The following DNAI4 variants were observed in gnomAD, a reference collection of about 807,000 sequenced individuals.
DNAI4 encodes the protein dynein axonemal intermediate chain 4.
In DNAI4, 85 loss-of-function variants were observed where a neutral mutation model predicts 105.8. The ratio of observed to expected loss-of-function variants is 0.80; its 90% CI spans 0.67 to 0.96. The LOEUF (loss-of-function observed/expected upper bound fraction) is 0.96. DNAI4 is among the 40% of genes least tolerant of loss of function. The pLI is 0.00. For synonymous variants in DNAI4, 352 were observed against 331.5 expected (o/e 1.06, Z -0.67); for missense variants, 1,014 against 1,005.6 (o/e 1.01, Z -0.11).
intron 1 of DNAI4, among the ~76,000 whole-genome samples, chr1:66,908,710 A>C (rs76845394): frequency 6.6e-5 from 10 of 152,252 alleles, no homozygotes; most frequent in Admixed American, 1.3e-4. Context: ...ATACCCAACT[A>C]TGATGACAGG....
chr1:66,838,628 A>G lies in DNAI4; in HGVS notation c.1495-832T>C, dbSNP rs72924137. Among the ~76,000 whole-genome samples, 646 of 152,340 alleles carry G rather than the reference A, an allele frequency of 4.2e-3. 9 individuals are homozygous for G. The highest frequency in any genetic ancestry group is 0.015 in the African/African-American group (610 of 41,584). ...AATCCAGCCTCTGCTGTGTAACCAG[A>G]ATACCTTTAATTTTAGAATATTATA... On this transcript the variant is annotated intron_variant, in intron 9 of 16. Transcript: ENST00000371026.
chr1:66,834,190 T>A, intron 11 of DNAI4, 42 bp from the exon 12 acceptor site: 2 of 1,492,132 alleles, frequency 1.3e-6, no homozygotes, highest in Non-Finnish European at 1.8e-6. Context: ...ATCATTATAA[T>A]AATTTCTTAA....
In DNAI4 at chr1:66,847,566, G is replaced by A. The variant is rs57010209; in HGVS notation, c.1209C>T (p.Asp403=). The change falls in exon 8 of 17, where the codon GAC becomes GAT. Residue 403 remains aspartate (D), a synonymous_variant. Coordinates refer to ENST00000371026, the MANE Select transcript of DNAI4 (RefSeq NM_024763.5). ...TCAGAACCCGTTCCATAAAAAATAAGTCCTGATGAAATTTGTCAGATTTTA... is the reference window on the plus strand; with the variant it reads ...TCAGAACCCGTTCCATAAAAAATAAATCCTGATGAAATTTGTCAGATTTTA... The part of the protein sequence containing the change: ...AILKSDKFHQ[D]LFFMERVLME... The A allele has an allele frequency of 0.07, 112,891 of 1,613,714 alleles. 12,572 individuals are homozygous for A. The highest frequency in any genetic ancestry group is 0.52 in the East Asian group (23,370 of 44,814).
At chr1:66,830,535 G>C (rs1021477620) in intron 13 of DNAI4, among the ~76,000 whole-genome samples, 2 of 152,028 alleles carry the variant, frequency 1.3e-5, no homozygotes, top group Admixed American at 1.3e-4. Context: ...CCAGCATTTT[G>C]GGAGGCCAAG....
intron 4 of DNAI4, 108 bp downstream of exon 4, chr1:66,891,046 A>G (rs747471818): frequency 1.8e-5 from 16 of 911,548 alleles, no homozygotes; most frequent in South Asian, 2.7e-5. Context: ...ACAAGCCAGC[A>G]TTTGGAAATC....
At chr1:66,893,083 A>AAGAAAGAAAG (rs1557965530) in intron 3 of DNAI4, 146 bp downstream of exon 3, 1 of 392,104 alleles carries the variant, frequency 2.6e-6, no homozygotes, top group Admixed American at 4.5e-5. Flanking sequence ...GAAAGAAAGA[A>AAGAAAGAAAG]AGAAAGAAAG....
chr1:66,840,058 GTCACTAGATT>G (rs759184010), intron 9 of DNAI4, among the ~76,000 whole-genome samples: 3 of 152,026 alleles, frequency 2.0e-5, no homozygotes, highest in Non-Finnish European at 2.9e-5. Flanking sequence ...CACTTGTAAG[GTCACTAGATT>G]AAGTATACAC....
In DNAI4 at chr1:66,847,504, C is replaced by G; in HGVS notation, c.1271G>C (p.Arg424Pro). The G allele has an allele frequency of 3.1e-6, 5 of 1,612,962 alleles. No individual in the cohort carries two copies. Among genetic ancestry groups the G allele is most frequent in the Non-Finnish European group, 3.4e-6 (4 of 1,179,728 alleles). Residue 424 changes from arginine (R) to proline (P), a missense_variant, in exon 8 of 17, where the codon CGT (arginine) becomes CCT (proline). Transcript: ENST00000371026. ...AATACCTTTTAAAACAGGAAGCTGA[C>G]GATAAGCTGCAAGTTTGGGCTGAAA... ...NIFQPKLAAY[R>P]QLPVLKEPEP...
chr1:66,837,895 TAGTA>T (rs1232361389), intron 9 of DNAI4, 99 bp from the exon 10 acceptor site: 1 of 1,149,286 alleles, frequency 8.7e-7, no homozygotes, highest in African/African-American at 1.6e-5. Flanking sequence ...TTAAAAATAG[TAGTA>T]AGACATTTCA....
intron 2 of DNAI4, among the ~76,000 whole-genome samples, chr1:66,898,614 C>T (rs1371366591): frequency 1.3e-5 from 2 of 152,110 alleles, no homozygotes; most frequent in Non-Finnish European, 2.9e-5. Flanking sequence ...ACTCCAGGAC[C>T]CTGCAGAGAG....
rs912617673 is a variant in DNAI4, at chr1:66,871,484, G to A, written c.826C>T (p.Leu276Phe). The A allele has an allele frequency of 1.3e-6, 2 of 1,594,070 alleles. No homozygotes were observed. The highest frequency in any genetic ancestry group is 2.7e-5 in the African/African-American group (2 of 74,012). ...TCATTGCCTAATCTGTTTCTACAAA[G>A]GACTTCATAATTCTTGTTTCTCTGA... ...VTQRNKNYEV[L>F]CRNRLGNDLY... Residue 276 changes from leucine (L) to phenylalanine (F), a missense_variant, in exon 6 of 17, where the codon CTT becomes TTT. Coordinates refer to ENST00000371026, the MANE Select transcript of DNAI4 (RefSeq NM_024763.5).
At chr1:66,855,329 A>G (rs1646478375) in intron 7 of DNAI4, among the ~76,000 whole-genome samples, 1 of 152,180 alleles carries the variant, frequency 6.6e-6, no homozygotes, top group Admixed American at 6.5e-5. Context: ...ATACTTACAT[A>G]TGTAGTTCAT....
At chr1:66,847,461 A>T in intron 8 of DNAI4, 23 bp downstream of exon 8, 1 of 1,605,170 alleles carries the variant, frequency 6.2e-7, no homozygotes, top group Non-Finnish European at 8.5e-7. Context: ...CCCAGCCTAA[A>T]CATGTTTATT....
rs140082121 is a variant in DNAI4 at position 66,846,400 on chromosome 1, A to G, written c.1291+1084T>C. Among the ~76,000 whole-genome samples the G allele has an allele frequency of 1.3e-3, 205 of 152,312 alleles. 1 individual carries two copies. The highest frequency in any genetic ancestry group is 4.4e-3 in the African/African-American group (184 of 41,580). ...CTTGAAGAATCAAGATAAATTTCAT[A>G]AAGGAAGTTTCCTTAATCCATCTTT... On this transcript the variant is annotated intron_variant, in intron 8 of 16. Transcript: ENST00000371026.
At chr1:66,910,503 G>A (rs940837059) in intron 1 of DNAI4, among the ~76,000 whole-genome samples, 31 of 152,130 alleles carry the variant, frequency 2.0e-4, no homozygotes, top group African/African-American at 7.5e-4. Flanking sequence ...TCTCATACAG[G>A]TACATACTTA....
chr1:66,840,885 T>A (rs1015533746), intron 8 of DNAI4, among the ~76,000 whole-genome samples: 10 of 152,214 alleles, frequency 6.6e-5, no homozygotes, highest in Non-Finnish European at 8.8e-5. Context: ...CAGCAGCTTT[T>A]CTGTTTACTC....
chr1:66,833,577 T>A lies in DNAI4; in HGVS notation c.2013+8A>T. 4 of 1,611,840 alleles carry A rather than the reference T, an allele frequency of 2.5e-6. No individual in the cohort carries two copies. The highest frequency in any genetic ancestry group is 3.4e-6 in the Non-Finnish European group (4 of 1,179,018). ...TGTCCAGTGGTAAATAAGAGTGAAA[T>A]AATTTACCTTGGGATGAAAAGCAAA... On this transcript the variant is annotated splice_region_variant and intron_variant, in intron 13 of 16. Coordinates refer to ENST00000371026, the MANE Select transcript of DNAI4 (RefSeq NM_024763.5).
intron 1 of DNAI4, among the ~76,000 whole-genome samples, chr1:66,920,818 G>A (rs1185236394): frequency 2.6e-5 from 4 of 152,216 alleles, no homozygotes; most frequent in African/African-American, 9.6e-5. Context: ...TAGGGAAACT[G>A]TAAAAGACAG....
intron 6 of DNAI4, among the ~76,000 whole-genome samples, chr1:66,863,177 A>T (rs1259655721): frequency 2.0e-5 from 3 of 152,230 alleles, no homozygotes; most frequent in Non-Finnish European, 4.4e-5. Context: ...TAAAAACTCC[A>T]AGTCTCTTCC....
Sources: allele counts gnomAD v4.1 joint callset (sites outside exome capture counted in the v4.1 genomes callset), GRCh38; gene constraint gnomAD v4.1.1; transcripts MANE v1.5; gene names NCBI Gene and HGNC (gene_info 2026-07-23, HGNC 2026-07-21).